Variants in CFAP299 observed in about 807,000 individuals in gnomAD.
CFAP299 encodes the protein cilia and flagella associated protein 299.
A neutral mutation model predicts 27.0 loss-of-function variants in CFAP299; 21 were observed. The ratio of observed to expected loss-of-function variants is 0.78; its 90% CI spans 0.55 to 1.12. CFAP299 has a LOEUF of 1.12. Among genes scored for constraint, CFAP299 ranks in the 50% most tolerant of loss-of-function variants. The pLI is 0.00. For synonymous variants in CFAP299, 104 were observed against 98.1 expected (o/e 1.06, Z -0.36); for missense variants, 310 against 276.6 (o/e 1.12, Z -0.86).
intron 3 of CFAP299, among the ~76,000 whole-genome samples, chr4:80,682,975 C>A (rs893176259): frequency 6.6e-6 from 1 of 152,170 alleles, no homozygotes; most frequent in African/African-American, 2.4e-5. Flanking sequence ...TATATCAATT[C>A]ATCATTCAAC....
chr4:80,561,244 C>G (rs1115348), intron 2 of CFAP299, among the ~76,000 whole-genome samples: 1 of 152,086 alleles, frequency 6.6e-6, no homozygotes, highest in African/African-American at 2.4e-5. Flanking sequence ...CTGAAAGAAC[C>G]ACAGCATTAC....
At chr4:80,688,919 G>A (rs184729826) in intron 3 of CFAP299, among the ~76,000 whole-genome samples, 10,505 of 152,054 alleles carry the variant, frequency 0.069, 810 homozygotes, top group African/African-American at 0.18. Flanking sequence ...GAGCCGATGC[G>A]ATCAACTGGA....
intron 2 of CFAP299, among the ~76,000 whole-genome samples, chr4:80,461,039 A>G (rs1560577528): frequency 6.6e-6 from 1 of 152,206 alleles, no homozygotes; most frequent in Non-Finnish European, 1.5e-5. Flanking sequence ...ACCAGGTCAT[A>G]GGTAGATTCA....
chr4:80,367,011 T>C (rs1465285710), intron 2 of CFAP299, among the ~76,000 whole-genome samples: 2 of 152,140 alleles, frequency 1.3e-5, no homozygotes, highest in Non-Finnish European at 2.9e-5. Flanking sequence ...AGTAAATCTA[T>C]AGAGACAAGT....
intron 2 of CFAP299, among the ~76,000 whole-genome samples, chr4:80,538,926 G>A (rs1428820478): frequency 6.6e-6 from 1 of 152,176 alleles, no homozygotes; most frequent in African/African-American, 2.4e-5. Flanking sequence ...TTTATGAACA[G>A]TAAAGTTAAC....
chr4:80,705,393 A>G (rs1464511535), intron 3 of CFAP299, among the ~76,000 whole-genome samples: 1 of 151,878 alleles, frequency 6.6e-6, no homozygotes, highest in Admixed American at 6.6e-5. Flanking sequence ...ATGTTGGTGG[A>G]TGGATATGAT....
intron 3 of CFAP299, among the ~76,000 whole-genome samples, chr4:80,794,365 G>A (rs1396613218): frequency 6.6e-6 from 1 of 152,164 alleles, no homozygotes; most frequent in South Asian, 2.1e-4. Context: ...TAGGGGTGAT[G>A]GCAAGTGTTG....
chr4:80,793,790 G>A (rs1226143810), intron 3 of CFAP299, among the ~76,000 whole-genome samples: 1 of 152,142 alleles, frequency 6.6e-6, no homozygotes, highest in Non-Finnish European at 1.5e-5. Context: ...GCACAAACAT[G>A]TTTTTAACAA....
At chr4:80,914,285 C>A (rs976204850) in intron 4 of CFAP299, among the ~76,000 whole-genome samples, 3 of 152,144 alleles carry the variant, frequency 2.0e-5, no homozygotes, top group Non-Finnish European at 1.5e-5. Flanking sequence ...ACTTTTCATT[C>A]TTACTAGTAA....
At chr4:80,339,969 T>G (rs1578329886) in intron 1 of CFAP299, among the ~76,000 whole-genome samples, 2 of 152,338 alleles carry the variant, frequency 1.3e-5, no homozygotes, top group East Asian at 3.9e-4. Context: ...TTTACAGAGA[T>G]AAACAACATG....
chr4:80,585,359 C>G (rs1409196953), intron 3 of CFAP299, among the ~76,000 whole-genome samples: 1 of 152,110 alleles, frequency 6.6e-6, no homozygotes, highest in East Asian at 1.9e-4. Flanking sequence ...TGTTAAGAAG[C>G]TGGAGAAAAA....
At chr4:80,582,301 T>C (rs1736211001) in intron 2 of CFAP299, among the ~76,000 whole-genome samples, 1 of 151,836 alleles carries the variant, frequency 6.6e-6, no homozygotes, top group Non-Finnish European at 1.5e-5. Context: ...GGTATGACAT[T>C]ATGTTTATAT....
At chr4:80,789,268 T>C (rs1018164002) in intron 3 of CFAP299, among the ~76,000 whole-genome samples, 21 of 152,052 alleles carry the variant, frequency 1.4e-4, no homozygotes, top group African/African-American at 5.1e-4. Context: ...ATTGCAGTCC[T>C]AAAATCTGGG....
At chr4:80,765,259 G>A (rs567945845) in intron 3 of CFAP299, among the ~76,000 whole-genome samples, 20 of 152,214 alleles carry the variant, frequency 1.3e-4, no homozygotes, top group South Asian at 1.0e-3. Context: ...GATCTAAAAC[G>A]TATTGTACTC....
intron 1 of CFAP299, among the ~76,000 whole-genome samples, chr4:80,343,722 G>A (rs1171710112): frequency 1.3e-5 from 2 of 150,044 alleles, no homozygotes; most frequent in Non-Finnish European, 3.0e-5. Flanking sequence ...CCGGGAAGTG[G>A]AGCTTGCAGT....
At chr4:80,561,918 C>T (rs1017585297) in intron 2 of CFAP299, among the ~76,000 whole-genome samples, 14 of 151,938 alleles carry the variant, frequency 9.2e-5, no homozygotes, top group Non-Finnish European at 1.5e-5. Flanking sequence ...AAACAATGAG[C>T]CAATCAACAA....
chr4:80,948,179 C>A (rs140051810), intron 5 of CFAP299, among the ~76,000 whole-genome samples: 141 of 152,238 alleles, frequency 9.3e-4, no homozygotes, highest in African/African-American at 3.1e-3. Flanking sequence ...CTTTGTCCAA[C>A]ACAGATGTGG....
chr4:80,711,947 T>A (rs781523164), intron 3 of CFAP299, among the ~76,000 whole-genome samples: 8 of 152,184 alleles, frequency 5.3e-5, no homozygotes, highest in Non-Finnish European at 1.0e-4. Context: ...TATCTCAGTG[T>A]TTAAAATTGC....
At chr4:80,858,847 A>T (rs1292753056) in intron 3 of CFAP299, among the ~76,000 whole-genome samples, 3 of 151,820 alleles carry the variant, frequency 2.0e-5, no homozygotes, top group Admixed American at 1.3e-4. Context: ...TCAATTTTGG[A>T]ATAGGTGTGG....
Sources: allele counts gnomAD v4.1 joint callset (sites outside exome capture counted in the v4.1 genomes callset), GRCh38; gene constraint gnomAD v4.1.1; transcripts MANE v1.5; gene names NCBI Gene and HGNC (gene_info 2026-07-23, HGNC 2026-07-21).